SZRD1: variants seen among roughly 807,000 people sequenced by gnomAD.
The protein encoded by SZRD1 is SUZ RNA-binding domain-containing.
Under a neutral mutation model 17.6 loss-of-function variants are expected in SZRD1, and 7 were observed. The ratio of observed to expected loss-of-function variants is 0.40; its 90% CI spans 0.23 to 0.75. SZRD1 has a LOEUF of 0.75. SZRD1 is among the 30% of genes least tolerant of loss of function. The pLI is 0.38. For missense variants in SZRD1, 178 were observed against 201.8 expected (o/e 0.88, Z 0.71); for synonymous variants, 77 against 77.9 (o/e 0.99, Z 0.06).
chr1:16,381,615 A>T (rs1278997779), intron 1 of SZRD1, among the ~76,000 whole-genome samples: 1 of 151,714 alleles, frequency 6.6e-6, no homozygotes, highest in Non-Finnish European at 1.5e-5. Context: ...GATTTAAAAG[A>T]AGTGCAGCAA....
rs568618207 is a variant in SZRD1, at chr1:16,393,897, G to T, written c.356+415G>T. Among the ~76,000 whole-genome samples the T allele has an allele frequency of 6.6e-6, 1 of 152,306 alleles. No homozygotes were observed. Among genetic ancestry groups the T allele is most frequent in the South Asian group, 2.1e-4 (1 of 4,824 alleles). ...TTATCAAGGTGTTGTGCAATTCAGT[G>T]AGTAAATGAGCATAGGATGTGGAGA... On this transcript the variant is annotated intron_variant, in intron 3 of 3. Coordinates refer to ENST00000401088, the MANE Select transcript of SZRD1 (RefSeq NM_001114600.3). This position sits in a 1 kb window ranked among gnomAD's most constrained non-coding sequence, Gnocchi z 5.6.
intron 1 of SZRD1, chr1:16,390,440 T>G (rs2085203597): frequency 6.6e-6 from 1 of 152,302 alleles, no homozygotes; most frequent in Non-Finnish European, 1.5e-5. Context: ...AGCCTCTTTC[T>G]TCTCTCTGCT....
At chr1:16,379,601 A>G (rs2100714997) in intron 1 of SZRD1, among the ~76,000 whole-genome samples, 1 of 152,300 alleles carries the variant, frequency 6.6e-6, no homozygotes, top group African/African-American at 2.4e-5. Context: ...TTGAATATGG[A>G]TAGTGTCATT....
intron 1 of SZRD1, among the ~76,000 whole-genome samples, chr1:16,376,417 T>C (rs987828337): frequency 1.3e-5 from 2 of 152,224 alleles, no homozygotes; most frequent in African/African-American, 4.8e-5. Context: ...GTTATAATGC[T>C]AAGAACAGTG....
chr1:16,389,770 A>G (rs2085194350), intron 1 of SZRD1, among the ~76,000 whole-genome samples: 1 of 152,260 alleles, frequency 6.6e-6, no homozygotes, highest in Non-Finnish European at 1.5e-5. Context: ...CAGAACATAC[A>G]GAGCACTTAC....
chr1:16,389,278 G>A (rs866519828), intron 1 of SZRD1, among the ~76,000 whole-genome samples: 1 of 121,320 alleles, frequency 8.2e-6, no homozygotes, highest in Admixed American at 8.7e-5. Context: ...AGGGGGGGTG[G>A]GGGGGGGGCA....
intron 1 of SZRD1, among the ~76,000 whole-genome samples, chr1:16,386,044 A>G (rs1319670506): frequency 6.6e-6 from 1 of 152,136 alleles, no homozygotes; most frequent in Non-Finnish European, 1.5e-5. Context: ...TCATAGGACA[A>G]GTGATGTCAA....
At chr1:16,384,086 A>C (rs1386434296) in intron 1 of SZRD1, among the ~76,000 whole-genome samples, 3 of 152,170 alleles carry the variant, frequency 2.0e-5, no homozygotes, top group Non-Finnish European at 4.4e-5. Flanking sequence ...AGTCAGGGGA[A>C]GTAGAATAAT....
At chr1:16,372,984 G>A (rs1403288973) in intron 1 of SZRD1, among the ~76,000 whole-genome samples, 3 of 152,192 alleles carry the variant, frequency 2.0e-5, no homozygotes, top group Non-Finnish European at 4.4e-5. Context: ...GAATTAAGCA[G>A]TGGTAAGTCT....
chr1:16,372,799 G>T (rs1335521670), intron 1 of SZRD1, among the ~76,000 whole-genome samples: 2 of 152,192 alleles, frequency 1.3e-5, no homozygotes, highest in East Asian at 3.8e-4. Context: ...CCATAGGAAG[G>T]TGTCATTAAA....
In SZRD1 at chr1:16,367,293, G is replaced by C; in HGVS notation, c.36G>C (p.Glu12Asp). 2 of 1,549,014 alleles carry C rather than the reference G, an allele frequency of 1.3e-6. No homozygotes were observed. Among genetic ancestry groups the C allele is most frequent in the Non-Finnish European group, 1.7e-6 (2 of 1,146,650 alleles). The change falls in exon 1 of 4, where the codon GAG becomes GAC. Residue 12 changes from glutamate (E) to aspartate (D), a missense_variant. Physicochemically the swap from Glu to Asp is conservative, Grantham distance 45. This residue lies in a region of SZRD1 where 117 missense variants were observed against 108.7 expected (regional missense o/e 1.08). Transcript: ENST00000401088. The part of the protein sequence containing the change: ...EDEEVAESWE[E>D]AADSGEIDRR... The stretch of plus-strand genomic sequence containing the variant: ...AGGAGGTCGCTGAGAGCTGGGAAGA[G>C]GCGGCAGACAGCGGGGTAAGGAGGA...
intron 1 of SZRD1, among the ~76,000 whole-genome samples, chr1:16,386,362 G>A (rs773404145): frequency 6.6e-6 from 1 of 152,206 alleles, no homozygotes; most frequent in African/African-American, 2.4e-5. Flanking sequence ...TAGGTAGTAC[G>A]ATTCCTTATT....
chr1:16,374,185 C>G (rs1425976391), intron 1 of SZRD1, among the ~76,000 whole-genome samples: 1 of 152,194 alleles, frequency 6.6e-6, no homozygotes, highest in Non-Finnish European at 1.5e-5. Flanking sequence ...ACAGAAAGCA[C>G]AGTTCCAGAT....
rs533340330 is a variant in SZRD1, at chr1:16,397,915, CAAG to C, written c.*2778_*2780del. ...CCAGCCTCCCTGGTAAGCAGAGACT[CAAG>C]AAACCTCTGGGGTCCTGTTTTCTGG... On this transcript the variant is annotated 3_prime_UTR_variant, in exon 4 of 4. Coordinates refer to ENST00000401088, the MANE Select transcript of SZRD1 (RefSeq NM_001114600.3). This position sits in a 1 kb window ranked among gnomAD's most constrained non-coding sequence, Gnocchi z 5.4. The C allele has an allele frequency of 7.4e-4, 362 of 491,490 alleles. 1 individual carries two copies. The highest frequency in any genetic ancestry group is 6.8e-3 in the African/African-American group (326 of 48,082). 30.4% of individuals were successfully genotyped at this position (491,490 alleles called of 1,614,324 possible). A position where few individuals can be genotyped will look rare whatever the true frequency, so the allele number is the denominator to read the frequency against.
chr1:16,372,325 G>A (rs773605280), intron 1 of SZRD1, among the ~76,000 whole-genome samples: 6 of 151,996 alleles, frequency 3.9e-5, no homozygotes, highest in Non-Finnish European at 8.8e-5. Context: ...ATACAAAAAT[G>A]AGCTTGGCAT....
At chr1:16,367,486 C>G (rs1265990446) in intron 1 of SZRD1, among the ~76,000 whole-genome samples, 178 bp downstream of exon 1, 1 of 150,542 alleles carries the variant, frequency 6.6e-6, no homozygotes, top group Non-Finnish European at 1.5e-5. Flanking sequence ...GGGCCGCGAT[C>G]CATTTCTCTC....
chr1:16,387,918 TTC>T, intron 1 of SZRD1: 2 of 342,842 alleles, frequency 5.8e-6, no homozygotes, highest in South Asian at 4.5e-5. Context: ...TGGACATAGA[TTC>T]TGTGTGAGTG....
chr1:16,372,735 A>G (rs1414274807), intron 1 of SZRD1, among the ~76,000 whole-genome samples: 5 of 152,180 alleles, frequency 3.3e-5, no homozygotes, highest in Non-Finnish European at 7.3e-5. Context: ...TTCTACCCCC[A>G]TGAGCCAGTT....
Position 16,393,605 on chromosome 1 carries a change from T to A in SZRD1, c.356+123T>A. The A allele has an allele frequency of 9.1e-7, 1 of 1,096,218 alleles. No homozygotes were observed. The highest frequency in any genetic ancestry group is 1.3e-6 in the Non-Finnish European group (1 of 777,686). 67.9% of individuals were successfully genotyped at this position (1,096,218 alleles called of 1,614,324 possible). ...AGAGTCAGGGTAGGAACCATGCAGC[T>A]CCACTTGCTGATCCCAGCCTGCTGG... On this transcript the variant is annotated intron_variant, in intron 3 of 3. Coordinates refer to ENST00000401088, the MANE Select transcript of SZRD1 (RefSeq NM_001114600.3). This position sits in a 1 kb window ranked among gnomAD's most constrained non-coding sequence, Gnocchi z 5.6.
Sources: gnomAD v4.1 joint callset for allele counts (sites outside exome capture counted in the v4.1 genomes callset) on GRCh38, gnomAD v4.1.1 for gene constraint, gnomAD v4.1.1 regional missense constraint, Gnocchi (gnomAD v3.1) non-coding constraint, MANE v1.5 for transcripts, NCBI Gene and HGNC (gene_info 2026-07-23, HGNC 2026-07-21) for gene names.